The following MAD1L1 variants were observed in gnomAD, a reference collection of about 807,000 sequenced individuals.
MAD1L1 encodes mitotic spindle assembly checkpoint protein MAD1.
MAD1L1 carries 95 observed loss-of-function variants against 96.9 expected under a neutral mutation model. That is an observed-to-expected ratio of 0.98 (90% CI 0.83 to 1.16). The LOEUF (loss-of-function observed/expected upper bound fraction) is 1.16, where lower values mean the gene tolerates loss of function less well. Among genes scored for constraint, MAD1L1 ranks in the 50% most tolerant of loss-of-function variants. The pLI, the probability that MAD1L1 is intolerant of heterozygous loss-of-function variation, is 0.00. For synonymous variants in MAD1L1, 473 were observed against 396.6 expected (o/e 1.19, Z -2.29); for missense variants, 1,007 against 954.4 (o/e 1.06, Z -0.73).
intron 18 of MAD1L1, among the ~76,000 whole-genome samples, chr7:1,862,922 G>A (rs1784599693): frequency 6.6e-6 from 1 of 152,258 alleles, no homozygotes; most frequent in South Asian, 2.1e-4. Flanking sequence ...AGGGTCAGAT[G>A]TCAGGGTCCC....
intron 18 of MAD1L1, chr7:1,847,301 C>G (rs6954673): frequency 2.1e-6 from 1 of 470,908 alleles, no homozygotes; most frequent in Non-Finnish European, 4.4e-6. Flanking sequence ...CTGCAGGAGC[C>G]GCTGGATTAC....
At chr7:2,027,355 A>G (rs2128504611) in intron 12 of MAD1L1, among the ~76,000 whole-genome samples, 1 of 152,358 alleles carries the variant, frequency 6.6e-6, no homozygotes, top group Admixed American at 6.5e-5. Context: ...ATATTTTCTA[A>G]GGCCAGAAAA....
intron 18 of MAD1L1, among the ~76,000 whole-genome samples, chr7:1,890,348 GTCTC>G (rs951477180): frequency 1.3e-5 from 2 of 152,176 alleles, no homozygotes; most frequent in South Asian, 2.1e-4. Flanking sequence ...AATTAGTGAG[GTCTC>G]TCTCTGTTTC....
intron 11 of MAD1L1, among the ~76,000 whole-genome samples, chr7:2,071,979 G>A (rs1176351958): frequency 6.6e-6 from 1 of 152,222 alleles, no homozygotes; most frequent in Non-Finnish European, 1.5e-5. Flanking sequence ...ATCCTTCGCA[G>A]TAAGCTTCAT....
intron 15 of MAD1L1, among the ~76,000 whole-genome samples, chr7:1,972,172 A>T (rs1209686629): frequency 6.6e-6 from 1 of 152,144 alleles, no homozygotes; most frequent in African/African-American, 2.4e-5. Flanking sequence ...TGCCATCCAG[A>T]CACAGGCCTG....
intron 10 of MAD1L1, among the ~76,000 whole-genome samples, chr7:2,199,244 GC>G (rs1792155184): frequency 3.3e-5 from 5 of 152,258 alleles, no homozygotes; most frequent in Admixed American, 3.3e-4. Flanking sequence ...CATTTTCTAG[GC>G]CTCTGGTTTT....
At chr7:1,868,724 T>C (rs1784899544) in intron 18 of MAD1L1, among the ~76,000 whole-genome samples, 2 of 152,090 alleles carry the variant, frequency 1.3e-5, no homozygotes, top group African/African-American at 4.8e-5. Context: ...GTTCTCACAG[T>C]TGGGGATGCG....
chr7:2,054,349 G>A (rs1436546149), intron 12 of MAD1L1, among the ~76,000 whole-genome samples: 7 of 152,252 alleles, frequency 4.6e-5, no homozygotes, highest in Admixed American at 1.3e-4. Flanking sequence ...GGCGGTCCAC[G>A]CTCCCACAAC....
At chr7:1,898,052 C>T (rs143161534) in intron 18 of MAD1L1, 148 bp downstream of exon 18, 11,498 of 820,898 alleles carry the variant, frequency 0.014, 112 homozygotes, top group Non-Finnish European at 0.019. Context: ...GTGACGAGGA[C>T]GGGCCAGTGC....
chr7:1,912,608 G>T (rs534814836), intron 17 of MAD1L1, among the ~76,000 whole-genome samples: 1 of 152,194 alleles, frequency 6.6e-6, no homozygotes, highest in South Asian at 2.1e-4. Context: ...GCACCAGTGG[G>T]GGAACGGTCC....
intron 18 of MAD1L1, among the ~76,000 whole-genome samples, chr7:1,867,547 G>A (rs1784836221): frequency 2.0e-5 from 3 of 152,274 alleles, no homozygotes; most frequent in South Asian, 4.1e-4. Flanking sequence ...CAGTGAGTAG[G>A]AGCGAGGTGG....
intron 17 of MAD1L1, among the ~76,000 whole-genome samples, chr7:1,914,025 C>G (rs113511007): frequency 1.3e-5 from 2 of 152,126 alleles, no homozygotes; most frequent in African/African-American, 2.4e-5. Flanking sequence ...AGGTCTCCCC[C>G]CCCAGCACGC....
At chr7:2,023,386 G>A (rs1429974610) in intron 12 of MAD1L1, among the ~76,000 whole-genome samples, 2 of 152,120 alleles carry the variant, frequency 1.3e-5, no homozygotes, top group African/African-American at 4.8e-5. Flanking sequence ...AAAGATAACT[G>A]AAAAATCCCA....
At chr7:2,116,114 CG>C (rs1787676651) in intron 11 of MAD1L1, among the ~76,000 whole-genome samples, 1 of 152,250 alleles carries the variant, frequency 6.6e-6, no homozygotes, top group Non-Finnish European at 1.5e-5. Flanking sequence ...AGCTGAAGGG[CG>C]TGAGCAGGAC....
intron 11 of MAD1L1, among the ~76,000 whole-genome samples, chr7:2,101,954 C>A (rs1163764374): frequency 6.6e-6 from 1 of 152,204 alleles, no homozygotes; most frequent in East Asian, 1.9e-4. Flanking sequence ...AAGACCCTGA[C>A]TGGAGGTCTG....
At chr7:1,980,615 C>T (rs1440812816) in intron 14 of MAD1L1, 74 bp from the exon 15 acceptor site, 1 of 1,213,638 alleles carries the variant, frequency 8.2e-7, no homozygotes, top group African/African-American at 1.5e-5. Flanking sequence ...CAGCCCAGGC[C>T]CCTGAGACCA....
intron 17 of MAD1L1, among the ~76,000 whole-genome samples, chr7:1,909,793 G>A (rs779057089): frequency 3.3e-5 from 5 of 152,220 alleles, no homozygotes; most frequent in East Asian, 3.8e-4. Flanking sequence ...CAACTCTGCT[G>A]GTACCAGACG....
intron 11 of MAD1L1, among the ~76,000 whole-genome samples, chr7:2,104,398 G>A (rs1326467049): frequency 1.3e-5 from 2 of 152,274 alleles, no homozygotes; most frequent in Non-Finnish European, 2.9e-5. Context: ...CAAGGGGGAC[G>A]CAGTCTGGCA....
intron 18 of MAD1L1, chr7:1,838,513 G>C (rs1241202272): frequency 6.1e-6 from 2 of 327,076 alleles, no homozygotes; most frequent in African/African-American, 4.3e-5. Flanking sequence ...CAAATGGAGC[G>C]TCAGCACGTG....
Sources: gnomAD v4.1 joint callset for allele counts (sites outside exome capture counted in the v4.1 genomes callset) on GRCh38, gnomAD v4.1.1 for gene constraint, MANE v1.5 for transcripts, NCBI Gene and HGNC (gene_info 2026-07-23, HGNC 2026-07-21) for gene names.